The following MNAT1 variants were observed in gnomAD, a reference collection of about 807,000 sequenced individuals.
MNAT1 encodes the protein CDK-activating kinase assembly factor MAT1.
A neutral mutation model predicts 42.0 loss-of-function variants in MNAT1; 43 were observed. The observed-to-expected ratio is 1.02, with a 90% CI of 0.80 to 1.32. The LOEUF (loss-of-function observed/expected upper bound fraction) is 1.32, where lower values mean the gene tolerates loss of function less well. MNAT1 is among the 40% of genes most tolerant of loss of function. The probability of loss-of-function intolerance (pLI) is 0.00; values close to 1 mark genes in which losing one functional copy is unlikely to be tolerated. For missense variants in MNAT1, 306 were observed against 350.4 expected, an observed-to-expected ratio of 0.87 and a Z score of 1.01; for synonymous variants, 118 against 120.0, an observed-to-expected ratio of 0.98 and a Z score of 0.11.
intron 6 of MNAT1, among the ~76,000 whole-genome samples, chr14:60,856,766 C>T (rs561364991): frequency 7.9e-5 from 12 of 151,814 alleles, no homozygotes; most frequent in South Asian, 2.1e-4. Context: ...TGGCAACCTC[C>T]GCCTCCTGGT....
intron 3 of MNAT1, among the ~76,000 whole-genome samples, chr14:60,800,676 A>G (rs2032174624): frequency 6.6e-6 from 1 of 152,210 alleles, no homozygotes; most frequent in South Asian, 2.1e-4. Flanking sequence ...CTTCCTATAT[A>G]TGTTTTAAGT....
chr14:60,941,176 T>C (rs895440025), intron 7 of MNAT1, among the ~76,000 whole-genome samples: 1 of 152,218 alleles, frequency 6.6e-6, no homozygotes, highest in Non-Finnish European at 1.5e-5. Context: ...AGATCAAAAA[T>C]TCATTTAATT....
intron 1 of MNAT1, among the ~76,000 whole-genome samples, chr14:60,769,764 C>T (rs1279787388): frequency 6.6e-6 from 1 of 152,184 alleles, no homozygotes; most frequent in African/African-American, 2.4e-5. Context: ...AAATGATCCT[C>T]CCGTCTCAGC....
chr14:60,919,487 C>A (rs576551365), intron 7 of MNAT1: 2 of 153,224 alleles, frequency 1.3e-5, no homozygotes, highest in Non-Finnish European at 2.9e-5. Context: ...AGAATTGCTG[C>A]GTCTTTTTGG....
chr14:60,903,281 ATAT>A (rs1303543657), intron 7 of MNAT1, among the ~76,000 whole-genome samples: 1 of 152,032 alleles, frequency 6.6e-6, no homozygotes, highest in East Asian at 1.9e-4. Flanking sequence ...ATGGTGTATA[ATAT>A]TATTAAAAAT....
intron 7 of MNAT1, among the ~76,000 whole-genome samples, chr14:60,925,836 G>C (rs185513877): frequency 3.9e-5 from 6 of 152,212 alleles, no homozygotes; most frequent in Admixed American, 3.9e-4. Flanking sequence ...TGTGTGGACT[G>C]TCCCCGATTT....
intron 5 of MNAT1, among the ~76,000 whole-genome samples, chr14:60,818,466 T>C (rs1290325723): frequency 6.6e-6 from 1 of 152,046 alleles, no homozygotes; most frequent in Non-Finnish European, 1.5e-5. Context: ...TAAATGTGGT[T>C]GGTTTGCTAG....
intron 7 of MNAT1, among the ~76,000 whole-genome samples, chr14:60,889,638 A>G (rs965034405): frequency 1.3e-5 from 2 of 152,220 alleles, no homozygotes; most frequent in Non-Finnish European, 2.9e-5. Flanking sequence ...TCACAGCAAA[A>G]GAAACTACCA....
chr14:60,818,733 T>C lies in MNAT1; in HGVS notation c.573T>C (p.Asp191=). The change falls in exon 6 of 8, where the codon GAT becomes GAC. Residue 191 remains aspartate (D), a synonymous_variant. Transcript: ENST00000261245. ...QAFLDELESS[D]LPVALLLAQH... ...AACTATTCTTACAGGAGAGTTCTGA[T>C]CTCCCTGTTGCTCTGCTTTTGGCTC... 1.2e-6 allele frequency: 2 copies of C among 1,607,722 alleles called. No individual in the cohort carries two copies. Among genetic ancestry groups the C allele is most frequent in the Non-Finnish European group, 1.7e-6 (2 of 1,176,228 alleles).
chr14:60,894,289 T>A lies in MNAT1; in HGVS notation c.809+14454T>A, dbSNP rs183906951. 7.4e-3 allele frequency among the ~76,000 whole-genome samples: 1,118 copies of A among 151,788 alleles called. 2 individuals are homozygous for A. Among genetic ancestry groups the A allele is most frequent in the East Asian group, 0.024 (124 of 5,172 alleles). On this transcript the variant is annotated intron_variant, in intron 7 of 7. Coordinates refer to ENST00000261245, the MANE Select transcript of MNAT1 (RefSeq NM_002431.4). The stretch of plus-strand genomic sequence containing the variant: ...TGGAGGCTTGGATGTTTTTTTTTTT[T>A]AAAATAATTTATTTCCTCTTGCATT...
At position 60,965,617 on chromosome 14, in the gene MNAT1, A is replaced by G. The variant is rs184474520; in HGVS notation, c.810-2612A>G. 2.0e-3 allele frequency among the ~76,000 whole-genome samples: 307 copies of G among 152,328 alleles called. 1 individual carries two copies. The highest frequency in any genetic ancestry group is 6.5e-3 in the African/African-American group (272 of 41,578). ...AGCTGTACCAAAATGTGATGAATCA[A>G]AACAGTTAGTTGCACAGTGGTTTGT... On this transcript the variant is annotated intron_variant, in intron 7 of 7. Coordinates refer to ENST00000261245, the MANE Select transcript of MNAT1 (RefSeq NM_002431.4).
chr14:60,796,081 GT>G, intron 1 of MNAT1, 135 bp from the exon 2 acceptor site: 1 of 697,306 alleles, frequency 1.4e-6, no homozygotes, highest in Non-Finnish European at 2.1e-6. Context: ...TTTCCAGAAA[GT>G]TTTTTGGTAA....
At chr14:60,884,530 T>G (rs1239533500) in intron 7 of MNAT1, among the ~76,000 whole-genome samples, 1 of 152,194 alleles carries the variant, frequency 6.6e-6, no homozygotes, top group East Asian at 1.9e-4. Flanking sequence ...TGATGACAAC[T>G]TAAGGTTGAT....
At chr14:60,963,442 AG>A (rs2036631811) in intron 7 of MNAT1, among the ~76,000 whole-genome samples, 2 of 152,154 alleles carry the variant, frequency 1.3e-5, no homozygotes, top group African/African-American at 4.8e-5. Flanking sequence ...ACCATTAACT[AG>A]TTTTCAGAAT....
chr14:60,947,660 G>A (rs1435663491), intron 7 of MNAT1, among the ~76,000 whole-genome samples: 2 of 152,128 alleles, frequency 1.3e-5, no homozygotes, highest in African/African-American at 4.8e-5. Flanking sequence ...TCCAGCCTCG[G>A]CAACAAAGTG....
intron 1 of MNAT1, chr14:60,780,237 T>G: frequency 7.0e-7 from 1 of 1,431,174 alleles, no homozygotes; most frequent in African/African-American, 1.4e-5. Context: ...CTGGTTGTAG[T>G]TATCTCAAAT....
chr14:60,950,404 C>T (rs1482240784), intron 7 of MNAT1, among the ~76,000 whole-genome samples: 3 of 151,968 alleles, frequency 2.0e-5, no homozygotes, highest in Non-Finnish European at 4.4e-5. Context: ...AGTCATTTTC[C>T]ACTATATACC....
intron 2 of MNAT1, among the ~76,000 whole-genome samples, chr14:60,797,720 G>A (rs2032063049): frequency 6.6e-6 from 1 of 152,134 alleles, no homozygotes; most frequent in South Asian, 2.1e-4. Context: ...TGAGATCAGA[G>A]TTTGAGACCA....
At chr14:60,932,199 C>T (rs570095663) in intron 7 of MNAT1, among the ~76,000 whole-genome samples, 8 of 152,044 alleles carry the variant, frequency 5.3e-5, no homozygotes, top group African/African-American at 1.9e-4. Flanking sequence ...ATAAGACTGA[C>T]ATACTAGTTT....
Sources: allele counts gnomAD v4.1 joint callset (sites outside exome capture counted in the v4.1 genomes callset), GRCh38; gene constraint gnomAD v4.1.1; transcripts MANE v1.5; gene names NCBI Gene and HGNC (gene_info 2026-07-23, HGNC 2026-07-21).